The following TRIM66 variants were observed in gnomAD, a reference collection of about 807,000 sequenced individuals.
The protein encoded by TRIM66 is tripartite motif containing 66, also known as tripartite motif-containing protein 66.
In TRIM66, 99 loss-of-function variants were observed where a neutral mutation model predicts 148.2. The ratio of observed to expected loss-of-function variants is 0.67; its 90% CI spans 0.57 to 0.79. The LOEUF is 0.79. Among genes scored for constraint, TRIM66 ranks in the 30% least tolerant of loss-of-function variants. The pLI, the probability that TRIM66 is intolerant of heterozygous loss-of-function variation, is 0.00. For missense variants in TRIM66, 1,666 were observed against 1,697.9 expected (o/e 0.98, Z 0.33); for synonymous variants, 616 against 635.9 (o/e 0.97, Z 0.47).
Position 8,682,637 on chromosome 11 carries a change from G to C in TRIM66, c.-584C>G. The C allele has an allele frequency of 1.4e-6, 1 of 713,130 alleles. No individual in the cohort carries two copies. Among genetic ancestry groups the C allele is most frequent in the Non-Finnish European group, 2.5e-6 (1 of 400,184 alleles). 44.2% of individuals were successfully genotyped at this position (713,130 alleles called of 1,614,324 possible). A position where few individuals can be genotyped will look rare whatever the true frequency, so the allele number is the denominator to read the frequency against. On this transcript the variant is annotated 5_prime_UTR_variant, in exon 1 of 25. Coordinates refer to ENST00000646038, the MANE Select transcript of TRIM66 (RefSeq NM_001388022.1). ...ACCGCCACCAGGACACTCCGTGATG[G>C]GGGATCACCACCCTCAGAAAGAGGA...
chr11:8,624,580 C>T, intron 16 of TRIM66, 29 bp from the exon 17 acceptor site: 1 of 1,513,562 alleles, frequency 6.6e-7, no homozygotes, highest in Non-Finnish European at 8.8e-7. Flanking sequence ...CGACAAGAAT[C>T]AAAGAACTCA....
chr11:8,625,222 TG>T lies in TRIM66; in HGVS notation c.2316del (p.Thr773ProfsTer3). 1 of 1,498,462 alleles carries T rather than the reference TG, an allele frequency of 6.7e-7. No individual in the cohort carries two copies. Among genetic ancestry groups the T allele is most frequent in the Non-Finnish European group, 8.9e-7 (1 of 1,117,594 alleles). The allele number at this position is 1,498,462 out of a possible 1,614,324, so 92.8% of individuals were successfully genotyped here. ...HSSPNVVRKH[S>X]TSLSIMGFSN... ...GAAAAGCCCATGATGCTCAGCGAGG[TG>T]GAGTGCTGCAGGAACAGAGACAAGG... On this transcript the variant is annotated frameshift_variant, in exon 16 of 25. Transcript: ENST00000646038. LOFTEE classifies it high-confidence loss of function.
intron 13 of TRIM66, among the ~76,000 whole-genome samples, chr11:8,642,670 T>C (rs1451895680): frequency 6.6e-6 from 1 of 151,990 alleles, no homozygotes; most frequent in East Asian, 1.9e-4. Context: ...CATTCATCTG[T>C]ACTGCCATAC....
intron 16 of TRIM66, 63 bp downstream of exon 16, chr11:8,624,650 G>T: frequency 1.4e-6 from 2 of 1,475,542 alleles, no homozygotes. Context: ...AAGGGTCCCA[G>T]TGGCCAATCT....
In TRIM66 at chr11:8,618,986, C is replaced by A; in HGVS notation, c.3901-18G>T. On this transcript the variant is annotated intron_variant, in intron 23 of 24. Coordinates refer to ENST00000646038, the MANE Select transcript of TRIM66 (RefSeq NM_001388022.1). ...GAGTCAGGCTGATGGGGGAGGAGAG[C>A]AGTGATGGTCTAGCCTGTTTCTACC... 6.5e-7 allele frequency: 1 copy of A among 1,547,116 alleles called. No homozygotes were observed. The highest frequency in any genetic ancestry group is 1.2e-5 in the South Asian group (1 of 83,922).
chr11:8,682,840 C>T (rs371359560), upstream of TRIM66: 1 of 1,609,012 alleles, frequency 6.2e-7, no homozygotes, highest in African/African-American at 1.3e-5. Context: ...TTCTTGCCTC[C>T]TCTTCCTTGC....
At chr11:8,665,462 C>T (rs546895499) in intron 6 of TRIM66, among the ~76,000 whole-genome samples, 10 of 152,368 alleles carry the variant, frequency 6.6e-5, no homozygotes, top group African/African-American at 2.4e-4. Context: ...CTTCTCTTCA[C>T]TGTATTATTA....
In TRIM66 at chr11:8,621,037, G is replaced by A; in HGVS notation, c.3540C>T (p.Phe1180=). The A allele has an allele frequency of 1.3e-6, 2 of 1,551,368 alleles. No individual in the cohort carries two copies. Among genetic ancestry groups the A allele is most frequent in the South Asian group, 2.4e-5 (2 of 84,026 alleles). The change falls in exon 20 of 25, where the codon TTC becomes TTT. Residue 1180 remains phenylalanine (F), a synonymous_variant. Coordinates refer to ENST00000646038, the MANE Select transcript of TRIM66 (RefSeq NM_001388022.1). ...CCTGGACTGGCATGACTCACCCTGG[G>A]AAGCTGAGCAAGGCTGGCACATGGC... ...LSCHVPALLS[F]PGGEWVCTLC...
chr11:8,668,805 C>T (rs1195544409), intron 6 of TRIM66, among the ~76,000 whole-genome samples: 2 of 152,010 alleles, frequency 1.3e-5, no homozygotes, highest in South Asian at 2.1e-4. Flanking sequence ...AGGCTGGTCT[C>T]GAACTCCTGA....
rs947757929 is a variant in TRIM66 at position 8,615,526 on chromosome 11, T to A, written c.*2418A>T. ...GCAGGCAGTCACTTGGCTAGTAGGATTTTTTTTTTTTTAATTTCTAAGTCA... is the reference window on the plus strand; with the variant it reads ...GCAGGCAGTCACTTGGCTAGTAGGAATTTTTTTTTTTTAATTTCTAAGTCA... On this transcript the variant is annotated 3_prime_UTR_variant, in exon 25 of 25. Transcript: ENST00000646038. 2.1e-5 allele frequency: 3 copies of A among 143,744 alleles called. No individual in the cohort carries two copies. Among genetic ancestry groups the A allele is most frequent in the African/African-American group, 7.6e-5 (3 of 39,314 alleles). The allele number at this position is 143,744 out of a possible 1,614,324, so 8.9% of individuals were successfully genotyped here.
chr11:8,641,210 A>G, intron 13 of TRIM66, 58 bp from the exon 14 acceptor site: 1 of 1,444,700 alleles, frequency 6.9e-7, no homozygotes, highest in Non-Finnish European at 9.3e-7. Context: ...CCACCTTGCT[A>G]CTTCCTGCTC....
At chr11:8,619,576 G>C in intron 22 of TRIM66, 41 bp from the exon 23 acceptor site, 2 of 1,480,462 alleles carry the variant, frequency 1.4e-6, no homozygotes, top group South Asian at 1.4e-5. Flanking sequence ...CAAAGGGAGT[G>C]AGAGAAGAAA....
intron 6 of TRIM66, among the ~76,000 whole-genome samples, chr11:8,671,083 C>G (rs1477590808): frequency 6.6e-6 from 1 of 152,206 alleles, no homozygotes; most frequent in East Asian, 1.9e-4. Flanking sequence ...TAATGCCTCA[C>G]AGAGAGCCTA....
rs1184229810 is a variant in TRIM66, at chr11:8,613,089, C to T, written c.*4855G>A. 1.3e-5 allele frequency: 2 copies of T among 152,142 alleles called. No individual in the cohort carries two copies. Among genetic ancestry groups the T allele is most frequent in the Non-Finnish European group, 2.9e-5 (2 of 68,052 alleles). 9.4% of individuals were successfully genotyped at this position (152,142 alleles called of 1,614,324 possible). On this transcript the variant is annotated 3_prime_UTR_variant, in exon 25 of 25. Coordinates refer to ENST00000646038, the MANE Select transcript of TRIM66 (RefSeq NM_001388022.1). ...TGGTTGGCATGAGGAGAACTGAGTT[C>T]AGGAAAAGGAAGGGACTCAGGAAAT...
In TRIM66 at chr11:8,658,893, ACAGT is replaced by A. The variant is rs1370634340; in HGVS notation, c.341-6994_341-6991del. ...CCTGAAGTCCTTATCCTGTGACGTC[ACAGT>A]CAGTTGCCATAGTGACCAATTGTCC... is the stretch of plus-strand genomic sequence containing the variant. On this transcript the variant is annotated intron_variant, in intron 6 of 24. Transcript: ENST00000646038. The A allele has an allele frequency of 3.9e-6, 3 of 769,192 alleles. No homozygotes were observed. In the African/African-American group the frequency reaches 5.7e-5, roughly 15 times the overall value. The allele number at this position is 769,192 out of a possible 1,614,324, so 47.6% of individuals were successfully genotyped here. A position where few individuals can be genotyped will look rare whatever the true frequency, so the allele number is the denominator to read the frequency against.
At chr11:8,682,010 C>G (rs754419985) in intron 1 of TRIM66, among the ~76,000 whole-genome samples, 5 of 152,310 alleles carry the variant, frequency 3.3e-5, no homozygotes, top group Non-Finnish European at 5.9e-5. Flanking sequence ...AATCCTCCCG[C>G]CTCGACCTCC....
At chr11:8,682,548 G>C (rs1158160629) in intron 1 of TRIM66, 53 bp downstream of exon 1, 3 of 574,434 alleles carry the variant, frequency 5.2e-6, no homozygotes, top group Non-Finnish European at 6.2e-6. Context: ...AGCACACCTA[G>C]CCCCGATTCT....
intron 5 of TRIM66, 24 bp from the exon 6 acceptor site, chr11:8,672,122 G>GTGATCTACT: frequency 6.5e-7 from 1 of 1,529,408 alleles, no homozygotes; most frequent in Non-Finnish European, 8.7e-7. Flanking sequence ...ACAAAGCAGA[G>GTGATCTACT]TGATCTACTT....
chr11:8,622,378 A>ATATATATATATATATATATATATATC (rs1565477353), intron 18 of TRIM66, among the ~76,000 whole-genome samples: 1 of 128,126 alleles, frequency 7.8e-6, no homozygotes, highest in Non-Finnish European at 1.7e-5. Context: ...ATATATATAT[A>ATATATATATATATATATATATATATC]TATATCTCCT....
Sources: gnomAD v4.1 joint callset for allele counts (sites outside exome capture counted in the v4.1 genomes callset) on GRCh38, gnomAD v4.1.1 for gene constraint, MANE v1.5 for transcripts, NCBI Gene and HGNC (gene_info 2026-07-23, HGNC 2026-07-21) for gene names.